Variants in GRM5 observed in about 807,000 individuals in gnomAD.
GRM5 encodes the protein metabotropic glutamate receptor 5.
A neutral mutation model predicts 83.1 loss-of-function variants in GRM5; 19 were observed. The observed-to-expected ratio is 0.23, with a 90% CI of 0.16 to 0.34. The LOEUF is 0.34. GRM5 is among the 10% of genes least tolerant of loss of function. The pLI is 1.00. For synonymous variants in GRM5, 675 were observed against 633.6 expected (o/e 1.07, Z -0.98); for missense variants, 1,160 against 1,588.3 (o/e 0.73, Z 4.58).
At position 89,004,022 on chromosome 11, in the gene GRM5, T is replaced by C. The variant is rs1244961340; in HGVS notation, c.661+43190A>G. ...GAAGGCTTAAGAAGGATAATGAACA[T>C]TGAAGGGTAGGCAAGATCAATAGTG... On this transcript the variant is annotated intron_variant, in intron 2 of 9. Coordinates refer to ENST00000305447, the MANE Select transcript of GRM5 (RefSeq NM_001143831.3). 3.3e-5 allele frequency among the ~76,000 whole-genome samples: 5 copies of C among 152,246 alleles called. No individual in the cohort carries two copies. The East Asian group carries it at 9.6e-4, about 29-fold the overall frequency.
intron 2 of GRM5, among the ~76,000 whole-genome samples, chr11:89,009,929 A>AC (rs1555059719): frequency 2.0e-5 from 2 of 102,386 alleles, no homozygotes; most frequent in Non-Finnish European, 1.9e-5. Flanking sequence ...AAAAAAAAAA[A>AC]ACACACACAA....
intron 2 of GRM5, among the ~76,000 whole-genome samples, chr11:88,971,939 G>A (rs1939176581): frequency 6.6e-6 from 1 of 152,006 alleles, no homozygotes; most frequent in Admixed American, 6.6e-5. Context: ...GTACTCTAGG[G>A]GCATGTGCAA....
chr11:88,581,635 T>C (rs964282979), intron 7 of GRM5, among the ~76,000 whole-genome samples: 5 of 152,228 alleles, frequency 3.3e-5, no homozygotes, highest in African/African-American at 1.2e-4. Flanking sequence ...AGTGAACTTA[T>C]CTAGAGAAAC....
intron 7 of GRM5, among the ~76,000 whole-genome samples, chr11:88,579,334 A>C (rs1943179343): frequency 6.6e-6 from 1 of 152,148 alleles, no homozygotes; most frequent in Non-Finnish European, 1.5e-5. Context: ...AATGAGGAAA[A>C]TATACAAAAG....
chr11:88,569,863 T>C (rs1401164212), intron 7 of GRM5, among the ~76,000 whole-genome samples: 1 of 152,236 alleles, frequency 6.6e-6, no homozygotes, highest in Non-Finnish European at 1.5e-5. Context: ...TATTAACTTG[T>C]CCTATCCCAT....
intron 2 of GRM5, among the ~76,000 whole-genome samples, chr11:88,872,600 A>G (rs891182226): frequency 7.3e-5 from 11 of 151,422 alleles, no homozygotes; most frequent in Non-Finnish European, 1.6e-4. Flanking sequence ...CACAAATAGA[A>G]ACTAGAATAA....
intron 2 of GRM5, among the ~76,000 whole-genome samples, chr11:88,928,883 T>G (rs1158684930): frequency 7.0e-6 from 1 of 143,634 alleles, no homozygotes. Flanking sequence ...CCCTTATTGG[T>G]TTGTACCTAT....
At chr11:88,557,714 ATGGTGT>A (rs1382947056) in intron 8 of GRM5, among the ~76,000 whole-genome samples, 1 of 146,030 alleles carries the variant, frequency 6.8e-6, no homozygotes, top group Non-Finnish European at 1.5e-5. Flanking sequence ...GTTTCCCAGT[ATGGTGT>A]ATTCCACGGT....
At chr11:89,023,010 T>A (rs111703130) in intron 2 of GRM5, among the ~76,000 whole-genome samples, 7 of 152,120 alleles carry the variant, frequency 4.6e-5, no homozygotes, top group African/African-American at 1.7e-4. Flanking sequence ...TTCTGACACG[T>A]TCCCAGGTAA....
At chr11:88,863,523 A>G (rs1323908305) in intron 2 of GRM5, among the ~76,000 whole-genome samples, 3 of 152,086 alleles carry the variant, frequency 2.0e-5, no homozygotes, top group African/African-American at 7.2e-5. Context: ...AGAAAACCAA[A>G]CACCACATGT....
intron 3 of GRM5, among the ~76,000 whole-genome samples, chr11:88,704,223 G>C (rs1297094312): frequency 6.6e-6 from 1 of 151,928 alleles, no homozygotes; most frequent in East Asian, 1.9e-4. Flanking sequence ...ATCACATTGG[G>C]GCTTAGGGTG....
intron 4 of GRM5, among the ~76,000 whole-genome samples, chr11:88,651,564 A>G (rs1235634240): frequency 6.6e-6 from 1 of 152,134 alleles, no homozygotes; most frequent in Non-Finnish European, 1.5e-5. Context: ...ATATGACATT[A>G]GCTACAAATT....
chr11:88,740,637 A>G (rs1365584731), intron 3 of GRM5, among the ~76,000 whole-genome samples: 1 of 152,078 alleles, frequency 6.6e-6, no homozygotes, highest in East Asian at 1.9e-4. Flanking sequence ...GACCTCAGCA[A>G]TCTGGCTTTA....
At chr11:88,515,385 G>A (rs1941493695) in intron 9 of GRM5, among the ~76,000 whole-genome samples, 1 of 152,118 alleles carries the variant, frequency 6.6e-6, no homozygotes, top group Non-Finnish European at 1.5e-5. Flanking sequence ...ATGAGCTCTG[G>A]TGTTCTGCAG....
intron 3 of GRM5, among the ~76,000 whole-genome samples, chr11:88,770,318 G>T (rs1433585122): frequency 6.6e-6 from 1 of 151,964 alleles, no homozygotes; most frequent in Non-Finnish European, 1.5e-5. Flanking sequence ...ATAAACTATG[G>T]ACTTCTTAAT....
At position 88,969,966 on chromosome 11, in the gene GRM5, T is replaced by G. The variant is rs1372517807; in HGVS notation, c.661+77246A>C. ...GTTATCTCTAATGGGAACATAATCT[T>G]ATTTCCTGCTTCTTTAATTAATACT... On this transcript the variant is annotated intron_variant, in intron 2 of 9. Coordinates refer to ENST00000305447, the MANE Select transcript of GRM5 (RefSeq NM_001143831.3). 3.9e-5 allele frequency among the ~76,000 whole-genome samples: 6 copies of G among 152,112 alleles called. 1 individual carries two copies. Among genetic ancestry groups the G allele is most frequent in the South Asian group, 4.1e-4 (2 of 4,832 alleles).
intron 3 of GRM5, among the ~76,000 whole-genome samples, chr11:88,727,337 C>T (rs1426609223): frequency 6.6e-6 from 1 of 152,170 alleles, no homozygotes; most frequent in East Asian, 1.9e-4. Context: ...GAAGAGCTAA[C>T]TATCCTAAAT....
At chr11:88,638,391 T>C (rs1199987884) in intron 4 of GRM5, among the ~76,000 whole-genome samples, 5 of 152,180 alleles carry the variant, frequency 3.3e-5, no homozygotes, top group Admixed American at 2.0e-4. Flanking sequence ...ATGAGGTCTA[T>C]ATGAGGTATA....
At chr11:88,710,622 A>T (rs527969836) in intron 3 of GRM5, among the ~76,000 whole-genome samples, 60 of 152,202 alleles carry the variant, frequency 3.9e-4, no homozygotes, top group African/African-American at 1.3e-3. Context: ...GTTCAAGAAA[A>T]ATTTGAAGAA....
Sources: gnomAD v4.1 joint callset for allele counts (sites outside exome capture counted in the v4.1 genomes callset) on GRCh38, gnomAD v4.1.1 for gene constraint, MANE v1.5 for transcripts, NCBI Gene and HGNC (gene_info 2026-07-23, HGNC 2026-07-21) for gene names.